Variants in CHAT observed in about 807,000 individuals in gnomAD.
CHAT encodes acetyl CoA:choline O-acetyltransferase.
A neutral mutation model predicts 76.9 loss-of-function variants in CHAT; 61 were observed. The ratio of observed to expected loss-of-function variants is 0.79; its 90% CI spans 0.65 to 0.98. The LOEUF is 0.98. Ranked by LOEUF, CHAT falls within the 50% of genes least tolerant of loss-of-function variation. CHAT has a pLI of 0.00. For missense variants in CHAT, 946 were observed against 986.9 expected, an observed-to-expected ratio of 0.96 and a Z score of 0.56; for synonymous variants, 407 against 397.4, an observed-to-expected ratio of 1.02 and a Z score of -0.29.
chr10:49,638,813 C>T (rs1369652313), intron 7 of CHAT, among the ~76,000 whole-genome samples: 1 of 152,192 alleles, frequency 6.6e-6, no homozygotes, highest in African/African-American at 2.4e-5. Flanking sequence ...CATTGAAACA[C>T]AGTTTAGAAG....
rs1345257023 is a variant in CHAT, at chr10:49,665,568, C to T, written c.*522C>T. Among the ~76,000 whole-genome samples, 1 of 152,062 alleles carries T rather than the reference C, an allele frequency of 6.6e-6. No individual in the cohort carries two copies. Among genetic ancestry groups the T allele is most frequent in the Non-Finnish European group, 1.5e-5 (1 of 68,010 alleles). On this transcript the variant is annotated 3_prime_UTR_variant, in exon 15 of 15. Coordinates refer to ENST00000337653, the MANE Select transcript of CHAT (RefSeq NM_020549.5). ...CTTATCGTGGCATTCCCAGTGTCTC[C>T]ACTGAGCCGTACAGTCCTACAAGCA...
chr10:49,664,826 A>G lies in CHAT; in HGVS notation c.2027A>G (p.Asn676Ser). 6.2e-7 allele frequency: 1 copy of G among 1,614,140 alleles called. No individual in the cohort carries two copies. The highest frequency in any genetic ancestry group is 1.1e-5 in the South Asian group (1 of 91,080). Residue 676 changes from asparagine to serine, a missense_variant, in exon 15 of 15, where the codon AAT becomes AGT. By Grantham distance (46) the Asn-to-Ser change is conservative. Around this residue, in one of 3 missense-constraint regions of CHAT, gnomAD observed 349 missense variants for 393.9 expected, o/e 0.89. Transcript: ENST00000337653. ...TGCTGCTATGGTCCTGTGGTCCCAA[A>G]TGGGTATGGTGCCTGCTACAACCCC... ...MFCCYGPVVP[N>S]GYGACYNPQP...
chr10:49,613,612 G>A (rs1189418856), upstream of CHAT, among the ~76,000 whole-genome samples: 1 of 152,172 alleles, frequency 6.6e-6, no homozygotes, highest in African/African-American at 2.4e-5. Context: ...GAGTCGGGCT[G>A]TGTGTGCCTG....
rs1192371824 is a variant in CHAT, at chr10:49,615,350, C to T, written c.286+875C>T. 3.3e-5 allele frequency among the ~76,000 whole-genome samples: 5 copies of T among 152,320 alleles called. No individual in the cohort carries two copies. The East Asian group carries it at 5.8e-4, about 18-fold the overall frequency. On this transcript the variant is annotated intron_variant, in intron 1 of 14. Coordinates refer to ENST00000337653, the MANE Select transcript of CHAT (RefSeq NM_020549.5). ...CCTACGAACCCACAGCACTGGGAGG[C>T]GTGGGAACAAGCCTGTGGAGAGTGT...
chr10:49,614,013 G>T, upstream of CHAT: 2 of 1,173,698 alleles, frequency 1.7e-6, no homozygotes, highest in Non-Finnish European at 2.4e-6. Flanking sequence ...GGAATAATGG[G>T]GTTGGGGAAG....
At chr10:49,664,316 G>T (rs1840285552) in intron 14 of CHAT, among the ~76,000 whole-genome samples, 1 of 152,166 alleles carries the variant, frequency 6.6e-6, no homozygotes, top group Admixed American at 6.5e-5. Context: ...GAGAAGCCAG[G>T]CAATACTGAC....
At position 49,664,970 on chromosome 10, in the gene CHAT, T is replaced by C. The variant is rs760920908; in HGVS notation, c.2171T>C (p.Leu724Pro). 6 of 1,614,284 alleles carry C rather than the reference T, an allele frequency of 3.7e-6. No individual in the cohort carries two copies. The South Asian group carries it at 4.4e-5, about 12-fold the overall frequency. The change falls in exon 15 of 15, where the codon CTG (leucine) becomes CCG (proline). Residue 724 changes from leucine (L) to proline (P), a missense_variant. Physicochemically the swap from Leu to Pro is moderately conservative, Grantham distance 98 (BLOSUM62 -3). Around this residue, in one of 3 missense-constraint regions of CHAT, gnomAD observed 349 missense variants for 393.9 expected, o/e 0.89. Coordinates refer to ENST00000337653, the MANE Select transcript of CHAT (RefSeq NM_020549.5). ...SLIDMRDLCS[L>P]LPPTESKPLA... Reference sequence around the variant, plus strand: ...ATTGACATGAGAGACCTCTGCAGTCTGCTGCCGCCTACTGAGAGCAAGCCA... The same window carrying C: ...ATTGACATGAGAGACCTCTGCAGTCCGCTGCCGCCTACTGAGAGCAAGCCA...
At chr10:49,613,711 G>A (rs908871508), upstream of CHAT, among the ~76,000 whole-genome samples, 1 of 152,084 alleles carries the variant, frequency 6.6e-6, no homozygotes, top group Admixed American at 6.5e-5. Flanking sequence ...TGAGAGGAGA[G>A]CCTGCCTCTT....
At chr10:49,630,160 A>G (rs1044883499) in intron 7 of CHAT, among the ~76,000 whole-genome samples, 29 of 149,146 alleles carry the variant, frequency 1.9e-4, no homozygotes, top group African/African-American at 6.5e-4. Flanking sequence ...AGAGGTCAGT[A>G]CAGAGCAATA....
At chr10:49,641,074 A>AT (rs1839465092) in intron 7 of CHAT, among the ~76,000 whole-genome samples, 2 of 152,204 alleles carry the variant, frequency 1.3e-5, no homozygotes, top group Non-Finnish European at 2.9e-5. Flanking sequence ...AGGGTAGGCA[A>AT]CTACAAGCCA....
upstream of CHAT, chr10:49,611,780 G>A: frequency 1.2e-6 from 2 of 1,602,912 alleles, no homozygotes; most frequent in South Asian, 1.1e-5. Context: ...CTCACCGTGC[G>A]CCTGGCGGCG....
At chr10:49,664,327 A>G (rs372198553) in intron 14 of CHAT, among the ~76,000 whole-genome samples, 1 of 152,236 alleles carries the variant, frequency 6.6e-6, no homozygotes, top group Non-Finnish European at 1.5e-5. Context: ...CAATACTGAC[A>G]GTAATTAAGG....
intron 13 of CHAT, among the ~76,000 whole-genome samples, chr10:49,660,122 T>C (rs1246540821): frequency 6.6e-6 from 1 of 152,046 alleles, no homozygotes; most frequent in Non-Finnish European, 1.5e-5. Context: ...AGAGTAGAAG[T>C]GTGCTGGGGG....
At chr10:49,658,462 G>A (rs1287357333) in intron 13 of CHAT, among the ~76,000 whole-genome samples, 1 of 152,228 alleles carries the variant, frequency 6.6e-6, no homozygotes, top group African/African-American at 2.4e-5. Flanking sequence ...AGGTTGCAGT[G>A]AGCCAAGATC....
In CHAT at chr10:49,614,141, A is replaced by T; in HGVS notation, c.-49A>T. The T allele has an allele frequency of 6.7e-7, 1 of 1,484,104 alleles. No individual in the cohort carries two copies. The highest frequency in any genetic ancestry group is 1.5e-5 in the African/African-American group (1 of 66,874). 91.9% of individuals were successfully genotyped at this position (1,484,104 alleles called of 1,614,324 possible). On this transcript the variant is annotated 5_prime_UTR_variant, in exon 1 of 15. Coordinates refer to ENST00000337653, the MANE Select transcript of CHAT (RefSeq NM_020549.5). ...TTCCTCCGGGAAGCGCTCCGGGTAGATTCTGGGGGCCGGGAGCTGAGATCC... is the reference window on the plus strand; with the variant it reads ...TTCCTCCGGGAAGCGCTCCGGGTAGTTTCTGGGGGCCGGGAGCTGAGATCC...
chr10:49,623,155 C>G lies in CHAT; in HGVS notation c.752+1005C>G, dbSNP rs564773596. Among the ~76,000 whole-genome samples the G allele has an allele frequency of 3.3e-5, 5 of 152,320 alleles. No individual in the cohort carries two copies. In the East Asian group the frequency reaches 9.7e-4, roughly 29 times the overall value. On this transcript the variant is annotated intron_variant, in intron 5 of 14. Coordinates refer to ENST00000337653, the MANE Select transcript of CHAT (RefSeq NM_020549.5). Reference sequence around the variant, plus strand: ...GTGTGTCTTTGGTCTCTCCCTTCTTCGTGGACAGCATTCTATTTCCTCCCA... The same window carrying G: ...GTGTGTCTTTGGTCTCTCCCTTCTTGGTGGACAGCATTCTATTTCCTCCCA...
intron 2 of CHAT, among the ~76,000 whole-genome samples, chr10:49,617,534 T>C (rs2132704718): frequency 6.6e-6 from 1 of 152,302 alleles, no homozygotes; most frequent in East Asian, 1.9e-4. Context: ...GGTTGAGATG[T>C]CTGAGCTGCG....
At position 49,632,420 on chromosome 10, in the gene CHAT, G is replaced by T. The variant is rs1033948330; in HGVS notation, c.1111+4635G>T. Reference sequence around the variant, plus strand: ...ACAGCAGTATCCTGATTAACTCCACGGAAAGGGTTGAGCTATTTTAGGGGA... The same window carrying T: ...ACAGCAGTATCCTGATTAACTCCACTGAAAGGGTTGAGCTATTTTAGGGGA... On this transcript the variant is annotated intron_variant, in intron 7 of 14. Coordinates refer to ENST00000337653, the MANE Select transcript of CHAT (RefSeq NM_020549.5). Among the ~76,000 whole-genome samples, 4 of 152,222 alleles carry T rather than the reference G, an allele frequency of 2.6e-5. No homozygotes were observed. In the East Asian group the frequency reaches 7.7e-4, roughly 29 times the overall value.
At chr10:49,653,378 G>C (rs1482202583) in intron 11 of CHAT, among the ~76,000 whole-genome samples, 1 of 152,190 alleles carries the variant, frequency 6.6e-6, no homozygotes, top group African/African-American at 2.4e-5. Context: ...GGCTGCAGAA[G>C]CAGCGGCTCA....
Sources: allele counts gnomAD v4.1 joint callset (sites outside exome capture counted in the v4.1 genomes callset), GRCh38; gene constraint gnomAD v4.1.1; regional missense constraint gnomAD v4.1.1; transcripts MANE v1.5; gene names NCBI Gene and HGNC (gene_info 2026-07-23, HGNC 2026-07-21).